The following SLC24A2 variants were observed in gnomAD, a reference collection of about 807,000 sequenced individuals.
SLC24A2 encodes sodium/potassium/calcium exchanger 2.
A neutral mutation model predicts 62.0 loss-of-function variants in SLC24A2; 36 were observed. That is an observed-to-expected ratio of 0.58 (90% CI 0.44 to 0.77). SLC24A2 has a LOEUF of 0.77. SLC24A2 is among the 30% of genes least tolerant of loss of function. SLC24A2 has a pLI of 0.00. For synonymous variants in SLC24A2, 358 were observed against 294.0 expected (o/e 1.22, Z -2.23); for missense variants, 846 against 817.9 (o/e 1.03, Z -0.42).
At chr9:19,721,596 TGAAAA>T (rs1387460171) in intron 2 of SLC24A2, among the ~76,000 whole-genome samples, 1 of 152,106 alleles carries the variant, frequency 6.6e-6, no homozygotes, top group African/African-American at 2.4e-5. Flanking sequence ...AAATAATAAA[TGAAAA>T]GAAATCTTAA....
chr9:19,789,273 G>A (rs914681230), upstream of SLC24A2, among the ~76,000 whole-genome samples: 1 of 152,214 alleles, frequency 6.6e-6, no homozygotes, highest in African/African-American at 2.4e-5. Context: ...AGGAGAAATC[G>A]TACAGGTCGG....
At chr9:20,004,770 C>T in the SLC24A2 span, among the ~76,000 whole-genome samples, 1 of 151,386 alleles carries the variant, frequency 6.6e-6, no homozygotes, top group South Asian at 2.1e-4. Flanking sequence ...GTAGGCACTG[C>T]TTTTATGAAG....
At chr9:20,055,464 G>T in the SLC24A2 span, among the ~76,000 whole-genome samples, 1 of 151,854 alleles carries the variant, frequency 6.6e-6, no homozygotes, top group Non-Finnish European at 1.5e-5. Context: ...TTTAGTAGGG[G>T]GTGTAAATTT....
intron 2 of SLC24A2, among the ~76,000 whole-genome samples, chr9:19,766,414 T>G (rs1181690595): frequency 6.6e-6 from 1 of 152,234 alleles, no homozygotes; most frequent in Non-Finnish European, 1.5e-5. Flanking sequence ...CTTGCTCTGT[T>G]TTTTCCTCAT....
At chr9:20,292,143 C>T in the SLC24A2 span, among the ~76,000 whole-genome samples, 2 of 152,132 alleles carry the variant, frequency 1.3e-5, no homozygotes, top group African/African-American at 4.8e-5. Context: ...GATGCTGGAG[C>T]CAGCCAATCA....
intron 4 of SLC24A2, among the ~76,000 whole-genome samples, chr9:19,601,342 T>G (rs1322141081): frequency 6.6e-6 from 1 of 152,104 alleles, no homozygotes; most frequent in Non-Finnish European, 1.5e-5. Context: ...CGAACATGGG[T>G]GGGGACAAAT....
intron 5 of SLC24A2, among the ~76,000 whole-genome samples, chr9:19,584,337 C>A (rs1365320065): frequency 6.7e-6 from 1 of 149,328 alleles, no homozygotes; most frequent in African/African-American, 2.5e-5. Context: ...AAACAAAAAA[C>A]CGTGCTATGT....
intron 2 of SLC24A2, among the ~76,000 whole-genome samples, chr9:19,743,812 T>C (rs547955418): frequency 2.6e-4 from 40 of 152,210 alleles, no homozygotes; most frequent in Non-Finnish European, 4.7e-4. Context: ...CTTGGCACTA[T>C]AGATACTCTA....
intron 2 of SLC24A2, among the ~76,000 whole-genome samples, chr9:19,657,782 C>T (rs940975633): frequency 6.6e-6 from 1 of 152,072 alleles, no homozygotes; most frequent in African/African-American, 2.4e-5. Context: ...GACTGGAGTG[C>T]AGTGGCACAA....
the SLC24A2 span, among the ~76,000 whole-genome samples, chr9:20,034,513 G>T: frequency 1.6e-5 from 2 of 122,212 alleles, no homozygotes; most frequent in Non-Finnish European, 3.2e-5. Flanking sequence ...AGGCTGGAAT[G>T]CAGTGGCGCG....
At chr9:20,190,207 A>C in the SLC24A2 span, among the ~76,000 whole-genome samples, 3 of 152,148 alleles carry the variant, frequency 2.0e-5, no homozygotes, top group Non-Finnish European at 4.4e-5. Context: ...ATTTCTGGAG[A>C]TAAGTCAGGT....
chr9:19,530,260 G>T (rs145116709), intron 8 of SLC24A2, among the ~76,000 whole-genome samples: 67 of 152,024 alleles, frequency 4.4e-4, no homozygotes, highest in African/African-American at 1.6e-3. Context: ...ATCTTCCATG[G>T]CTGTGCTCTG....
At chr9:19,949,901 C>T in the SLC24A2 span, among the ~76,000 whole-genome samples, 9 of 152,216 alleles carry the variant, frequency 5.9e-5, no homozygotes, top group African/African-American at 1.2e-4. Flanking sequence ...GGTGGTTTCA[C>T]GGAGTGCCTT....
the SLC24A2 span, among the ~76,000 whole-genome samples, chr9:20,172,181 A>C: frequency 6.6e-6 from 1 of 151,806 alleles, no homozygotes; most frequent in Non-Finnish European, 1.5e-5. Context: ...GATAGTGACA[A>C]AACCTCTGGG....
the SLC24A2 span, among the ~76,000 whole-genome samples, chr9:20,232,952 C>T: frequency 6.6e-6 from 1 of 152,146 alleles, no homozygotes; most frequent in Non-Finnish European, 1.5e-5. Context: ...TTTCAAAGAA[C>T]ATCTTTATTT....
the SLC24A2 span, among the ~76,000 whole-genome samples, chr9:20,186,844 C>T: frequency 1.3e-5 from 2 of 152,176 alleles, no homozygotes; most frequent in African/African-American, 4.8e-5. Flanking sequence ...TCTTTACCCT[C>T]CAGATTATAA....
At chr9:19,956,100 G>A in the SLC24A2 span, among the ~76,000 whole-genome samples, 3 of 152,200 alleles carry the variant, frequency 2.0e-5, no homozygotes, top group South Asian at 4.1e-4. Context: ...GGCAGGGAGA[G>A]GAGAGTCCAG....
At chr9:20,248,994 G>C in the SLC24A2 span, among the ~76,000 whole-genome samples, 1 of 152,190 alleles carries the variant, frequency 6.6e-6, no homozygotes, top group African/African-American at 2.4e-5. Context: ...AGGGAGCCCA[G>C]TGGACACAGC....
chr9:20,226,834 C>T, the SLC24A2 span, among the ~76,000 whole-genome samples: 9 of 152,268 alleles, frequency 5.9e-5, no homozygotes, highest in South Asian at 8.3e-4. Flanking sequence ...ACAACCCCTA[C>T]GGGGAAACCT....
Sources: gnomAD v4.1 joint callset for allele counts (sites outside exome capture counted in the v4.1 genomes callset) on GRCh38, gnomAD v4.1.1 for gene constraint, MANE v1.5 for transcripts, NCBI Gene and HGNC (gene_info 2026-07-23, HGNC 2026-07-21) for gene names.